The following NLGN4X variants were observed in gnomAD, a reference collection of about 807,000 sequenced individuals.
The protein encoded by NLGN4X is neuroligin-4, X-linked.
Under a neutral mutation model 40.3 loss-of-function variants are expected in NLGN4X, and 3 were observed. The observed-to-expected ratio is 0.07, with a 90% CI of 0.03 to 0.19. The LOEUF is 0.19. NLGN4X is among the 10% of genes least tolerant of loss of function. NLGN4X has a pLI of 1.00. For synonymous variants in NLGN4X, 270 were observed against 306.8 expected, an observed-to-expected ratio of 0.88 and a Z score of 1.25; for missense variants, 382 against 708.3, an observed-to-expected ratio of 0.54 and a Z score of 5.23.
chrX:5,932,798 GA>G (rs915681491), intron 3 of NLGN4X, among the ~76,000 whole-genome samples: 3 of 106,391 alleles, frequency 2.8e-5, no homozygotes, highest in African/African-American at 1.0e-4. Context: ...AACAGAAAGA[GA>G]AAAAAAAATA....
At chrX:6,006,933 A>G in intron 3 of NLGN4X, among the ~76,000 whole-genome samples, 1 of 111,206 alleles carries the variant, frequency 9.0e-6, no homozygotes, top group Non-Finnish European at 1.9e-5. Flanking sequence ...TTGGCCCAGC[A>G]ATCCCACTTG....
intron 2 of NLGN4X, among the ~76,000 whole-genome samples, chrX:6,146,895 A>G (rs149434680): frequency 0.03 from 3,315 of 110,191 alleles, 126 homozygotes; most frequent in African/African-American, 0.1. Context: ...AGTTCAGGTC[A>G]TTCTCCTGCC....
chrX:5,953,865 G>A (rs757809346), intron 3 of NLGN4X, among the ~76,000 whole-genome samples: 1 of 111,834 alleles, frequency 8.9e-6, no homozygotes, highest in African/African-American at 3.3e-5. Flanking sequence ...GATGCCCCAC[G>A]GAAGCCCAAG....
chrX:5,902,322 G>C (rs1187642907), intron 5 of NLGN4X, among the ~76,000 whole-genome samples: 1 of 110,445 alleles, frequency 9.1e-6, no homozygotes, highest in Non-Finnish European at 1.9e-5. Context: ...CCAGGAGTTT[G>C]AGAGAAGCCT....
At chrX:6,200,460 G>C (rs12557380) in intron 1 of NLGN4X, among the ~76,000 whole-genome samples, 12,360 of 110,294 alleles carry the variant, frequency 0.11, 639 homozygotes, top group African/African-American at 0.19. Context: ...TGGGATGAAG[G>C]TGGAGAAGTG....
chrX:6,123,749 AG>A (rs1189588338), intron 2 of NLGN4X, among the ~76,000 whole-genome samples: 3 of 105,766 alleles, frequency 2.8e-5, no homozygotes, highest in African/African-American at 1.0e-4. Flanking sequence ...CCCAACTATA[AG>A]GAAAAAAAAA....
intron 3 of NLGN4X, among the ~76,000 whole-genome samples, chrX:6,018,109 A>C (rs2036437900): frequency 9.0e-6 from 1 of 111,367 alleles, no homozygotes; most frequent in Non-Finnish European, 1.9e-5. Flanking sequence ...TGTGCATCAC[A>C]AGGGCAAACA....
chrX:6,001,662 C>A (rs1457204408), intron 3 of NLGN4X, among the ~76,000 whole-genome samples: 1 of 104,450 alleles, frequency 9.6e-6, no homozygotes, highest in Non-Finnish European at 1.9e-5. Flanking sequence ...AAACTGAGAG[C>A]CTGGGAGCTT....
At chrX:6,092,482 C>A (rs1487708841) in intron 2 of NLGN4X, among the ~76,000 whole-genome samples, 1 of 112,086 alleles carries the variant, frequency 8.9e-6, no homozygotes, top group Non-Finnish European at 1.9e-5. Flanking sequence ...AGAAGGAAAG[C>A]GAACCTACCT....
At position 5,892,086 on chromosome X, in the gene NLGN4X, A is replaced by T. The variant is rs1373514707; in HGVS notation, c.*731T>A. ...ATTTATATACGTACAGAGCACAATG[A>T]AAAGCACAACCTTGCTAAAAGCTCT... is the stretch of plus-strand genomic sequence containing the variant. On this transcript the variant is annotated 3_prime_UTR_variant, in exon 6 of 6. Coordinates refer to ENST00000381095, the MANE Select transcript of NLGN4X (RefSeq NM_181332.3). 1.7e-5 allele frequency: 2 copies of T among 116,054 alleles called. No individual in the cohort carries two copies. The highest frequency in any genetic ancestry group is 6.5e-5 in the African/African-American group (2 of 30,806). 9.6% of individuals were successfully genotyped at this position (116,054 alleles called of 1,213,427 possible). A position where few individuals can be genotyped will look rare whatever the true frequency, so the allele number is the denominator to read the frequency against.
intron 2 of NLGN4X, among the ~76,000 whole-genome samples, chrX:6,066,327 C>A (rs2037915839): frequency 8.9e-6 from 1 of 112,350 alleles, no homozygotes; most frequent in Non-Finnish European, 1.9e-5. Context: ...GCTAGCCCAT[C>A]TTCTAGCCAT....
chrX:6,225,611 C>G (rs901060520), intron 1 of NLGN4X, among the ~76,000 whole-genome samples: 12 of 101,425 alleles, frequency 1.2e-4, no homozygotes, highest in African/African-American at 4.3e-4. Flanking sequence ...AACGCCCACA[C>G]AAACTGGCAA....
chrX:5,906,374 G>A (rs940293161), intron 4 of NLGN4X, among the ~76,000 whole-genome samples: 1 of 111,939 alleles, frequency 8.9e-6, no homozygotes, highest in Non-Finnish European at 1.9e-5. Flanking sequence ...TTCAGAGTTT[G>A]GAGGATTTCA....
At chrX:6,053,302 T>C (rs1204936522) in intron 2 of NLGN4X, among the ~76,000 whole-genome samples, 3 of 111,847 alleles carry the variant, frequency 2.7e-5, no homozygotes, top group Admixed American at 9.6e-5. Flanking sequence ...AGCATTTCCA[T>C]TTACAGCATG....
intron 3 of NLGN4X, among the ~76,000 whole-genome samples, chrX:5,952,350 G>A (rs910853317): frequency 8.9e-6 from 1 of 111,986 alleles, no homozygotes; most frequent in Non-Finnish European, 1.9e-5. Context: ...GGTGCGCCCA[G>A]TGGATATAAA....
intron 3 of NLGN4X, among the ~76,000 whole-genome samples, chrX:5,982,608 T>G (rs938399818): frequency 8.9e-6 from 1 of 112,210 alleles, no homozygotes; most frequent in African/African-American, 3.2e-5. Context: ...CTTAAAAACA[T>G]TTTAGTGCTA....
At chrX:6,094,480 T>G (rs900204213) in intron 2 of NLGN4X, among the ~76,000 whole-genome samples, 1 of 110,344 alleles carries the variant, frequency 9.1e-6, no homozygotes, top group African/African-American at 3.3e-5. Context: ...TGTGCCAGTG[T>G]TATAGGAACC....
intron 1 of NLGN4X, among the ~76,000 whole-genome samples, chrX:6,188,609 T>C (rs1922294982): frequency 9.0e-6 from 1 of 111,317 alleles, no homozygotes; most frequent in South Asian, 3.8e-4. Flanking sequence ...AACTACTCTA[T>C]GTCCTTTGAA....
chrX:6,228,040 C>T, intron 1 of NLGN4X, among the ~76,000 whole-genome samples: 1 of 110,127 alleles, frequency 9.1e-6, no homozygotes, highest in Middle Eastern at 4.6e-3. Flanking sequence ...CTGCCTTCAC[C>T]ATCTCCAGCC....
Sources: gnomAD v4.1 joint callset for allele counts (sites outside exome capture counted in the v4.1 genomes callset) on GRCh38, gnomAD v4.1.1 for gene constraint, MANE v1.5 for transcripts, NCBI Gene and HGNC (gene_info 2026-07-23, HGNC 2026-07-21) for gene names.